MAST4: variants seen among roughly 807,000 people sequenced by gnomAD.
MAST4 encodes the protein microtubule-associated serine/threonine-protein kinase 4.
Under a neutral mutation model 162.7 loss-of-function variants are expected in MAST4, and 89 were observed. The ratio of observed to expected loss-of-function variants is 0.55; its 90% CI spans 0.46 to 0.65. The LOEUF (loss-of-function observed/expected upper bound fraction) is 0.65. MAST4 is among the 30% of genes least tolerant of loss of function. The pLI, the probability that MAST4 is intolerant of heterozygous loss-of-function variation, is 0.00. For synonymous variants in MAST4, 1,479 were observed against 1,361.1 expected (o/e 1.09, Z -1.91); for missense variants, 3,153 against 3,374.0 (o/e 0.93, Z 1.62).
intron 3 of MAST4, among the ~76,000 whole-genome samples, chr5:66,796,800 G>C (rs1439825764): frequency 6.6e-6 from 1 of 152,158 alleles, no homozygotes; most frequent in Non-Finnish European, 1.5e-5. Context: ...ATGAAGAGAT[G>C]ATCCATAGGG....
intron 5 of MAST4, among the ~76,000 whole-genome samples, chr5:67,067,425 A>G (rs1305643574): frequency 1.3e-5 from 2 of 152,226 alleles, no homozygotes; most frequent in Non-Finnish European, 2.9e-5. Context: ...AAGTACAACA[A>G]CAGTGTCAAG....
At chr5:66,931,559 A>G (rs1742193285) in intron 4 of MAST4, among the ~76,000 whole-genome samples, 2 of 152,222 alleles carry the variant, frequency 1.3e-5, no homozygotes, top group African/African-American at 4.8e-5. Context: ...AAGTTATTAT[A>G]GTTGTCACTT....
chr5:67,078,673 ATTATAT>A (rs1311681265), intron 5 of MAST4, among the ~76,000 whole-genome samples: 18 of 121,044 alleles, frequency 1.5e-4, no homozygotes, highest in Admixed American at 5.1e-4. Context: ...TTATATTTAT[ATTATAT>A]TTATTTATAT....
At chr5:67,099,315 T>C (rs543875334) in intron 7 of MAST4, among the ~76,000 whole-genome samples, 9 of 152,224 alleles carry the variant, frequency 5.9e-5, no homozygotes, top group Middle Eastern at 3.4e-3. Flanking sequence ...GCTCTCATTT[T>C]TTTATTGCTT....
intron 3 of MAST4, among the ~76,000 whole-genome samples, chr5:66,804,873 G>A (rs1218260156): frequency 6.6e-6 from 1 of 152,068 alleles, no homozygotes; most frequent in Non-Finnish European, 1.5e-5. Flanking sequence ...ATGGAAATTT[G>A]ATTATTTAAG....
chr5:67,157,364 A>AG (rs1216228402), intron 26 of MAST4, among the ~76,000 whole-genome samples: 1 of 152,252 alleles, frequency 6.6e-6, no homozygotes, highest in Admixed American at 6.5e-5. Flanking sequence ...GACAAGAAAC[A>AG]GAACTGGGCT....
At chr5:66,952,593 C>T (rs1744836862) in intron 4 of MAST4, among the ~76,000 whole-genome samples, 1 of 152,188 alleles carries the variant, frequency 6.6e-6, no homozygotes, top group South Asian at 2.1e-4. Flanking sequence ...GAGACCCAAA[C>T]TTGCATATGG....
intron 4 of MAST4, among the ~76,000 whole-genome samples, chr5:66,971,508 A>G (rs1440399424): frequency 1.3e-5 from 2 of 152,166 alleles, no homozygotes; most frequent in African/African-American, 4.8e-5. Context: ...CCCGTTTGCA[A>G]GGAGCCCGGA....
chr5:67,005,121 G>A (rs1353594922), intron 4 of MAST4: 1 of 729,758 alleles, frequency 1.4e-6, no homozygotes, highest in South Asian at 1.5e-5. Context: ...GAGAGGGAAT[G>A]CTTTCACTTC....
At chr5:67,102,476 A>G in intron 8 of MAST4, 60 bp from the exon 9 acceptor site, 1 of 1,457,168 alleles carries the variant, frequency 6.9e-7, no homozygotes, top group Non-Finnish European at 9.6e-7. Context: ...TTATAAATAA[A>G]AAGCTTATTT....
chr5:66,964,823 G>A (rs1474868244), intron 4 of MAST4, among the ~76,000 whole-genome samples: 1 of 152,170 alleles, frequency 6.6e-6, no homozygotes, highest in Non-Finnish European at 1.5e-5. Context: ...AAATCCTGTG[G>A]AAGAAAGTAG....
intron 15 of MAST4, among the ~76,000 whole-genome samples, chr5:67,131,187 G>A (rs553458256): frequency 5.3e-5 from 8 of 151,962 alleles, no homozygotes; most frequent in African/African-American, 1.9e-4. Context: ...AGACAAAAAC[G>A]TAGCTTGCCT....
At chr5:66,975,189 A>G (rs1747977113) in intron 4 of MAST4, among the ~76,000 whole-genome samples, 1 of 152,072 alleles carries the variant, frequency 6.6e-6, no homozygotes, top group African/African-American at 2.4e-5. Context: ...AGCCTGGCCT[A>G]TTGACATCTT....
At chr5:67,051,090 TGA>T (rs1758122224) in intron 4 of MAST4, among the ~76,000 whole-genome samples, 1 of 151,524 alleles carries the variant, frequency 6.6e-6, no homozygotes, top group South Asian at 2.1e-4. Flanking sequence ...TAGATAAGGG[TGA>T]GTTATAAAAA....
At chr5:66,670,304 T>G (rs1258282426) in intron 1 of MAST4, among the ~76,000 whole-genome samples, 1 of 152,164 alleles carries the variant, frequency 6.6e-6, no homozygotes, top group East Asian at 1.9e-4. Context: ...TAACCACTCC[T>G]TCATTGTGTA....
chr5:66,827,488 C>T (rs899107182), intron 3 of MAST4, among the ~76,000 whole-genome samples: 1 of 152,126 alleles, frequency 6.6e-6, no homozygotes, highest in Non-Finnish European at 1.5e-5. Context: ...ATTCATAAAT[C>T]CCTGAGCTAT....
At chr5:66,608,386 T>G (rs1190733012) in intron 1 of MAST4, among the ~76,000 whole-genome samples, 3 of 118,912 alleles carry the variant, frequency 2.5e-5, no homozygotes, top group South Asian at 2.8e-4. Flanking sequence ...TTTTTTTTTT[T>G]GATGGCGAGA....
At chr5:66,963,747 G>A (rs570674412) in intron 4 of MAST4, 1 of 779,796 alleles carries the variant, frequency 1.3e-6, no homozygotes, top group Admixed American at 1.7e-5. Flanking sequence ...ATCCAGCCCA[G>A]GCAGTCCTTG....
chr5:66,807,238 T>C (rs1474640657), intron 3 of MAST4, among the ~76,000 whole-genome samples: 1 of 152,210 alleles, frequency 6.6e-6, no homozygotes, highest in Non-Finnish European at 1.5e-5. Context: ...GGCTCACGCC[T>C]GTAATCCCAG....
Sources: allele counts gnomAD v4.1 joint callset (sites outside exome capture counted in the v4.1 genomes callset), GRCh38; gene constraint gnomAD v4.1.1; transcripts MANE v1.5; gene names NCBI Gene and HGNC (gene_info 2026-07-23, HGNC 2026-07-21).